The following CYREN variants were observed in gnomAD, a reference collection of about 807,000 sequenced individuals.
The protein encoded by CYREN is cell cycle regulator of NHEJ, also known as cell cycle regulator of non-homologous end joining.
Under a neutral mutation model 9.7 loss-of-function variants are expected in CYREN, and 7 were observed. The ratio of observed to expected loss-of-function variants is 0.72; its 90% CI spans 0.41 to 1.36. The LOEUF (loss-of-function observed/expected upper bound fraction) is 1.36, where lower values mean the gene tolerates loss of function less well. Among genes scored for constraint, CYREN ranks in the 40% most tolerant of loss-of-function variants. CYREN has a pLI of 0.01. For missense variants in CYREN, 215 were observed against 198.1 expected (o/e 1.09, Z -0.51); for synonymous variants, 76 against 77.9 (o/e 0.98, Z 0.13).
At chr7:135,135,905 C>A (rs1273003971) in intron 2 of CYREN, 1 of 152,038 alleles carries the variant, frequency 6.6e-6, no homozygotes, top group African/African-American at 2.4e-5. Flanking sequence ...TTAAAATAAT[C>A]ATTTTATTTC....
chr7:135,118,705 T>G (rs777078867), intron 2 of CYREN, among the ~76,000 whole-genome samples: 5 of 152,230 alleles, frequency 3.3e-5, no homozygotes, highest in Non-Finnish European at 7.3e-5. Flanking sequence ...GTTAATGATG[T>G]TAGAATTTTT....
At chr7:135,125,352 G>C (rs925490631) in intron 2 of CYREN, among the ~76,000 whole-genome samples, 1 of 151,528 alleles carries the variant, frequency 6.6e-6, no homozygotes, top group African/African-American at 2.4e-5. Context: ...CAAGAAGTCG[G>C]ATCCCTGAAT....
chr7:135,107,302 G>C (rs1824881385), intron 2 of CYREN, among the ~76,000 whole-genome samples: 1 of 152,016 alleles, frequency 6.6e-6, no homozygotes, highest in Non-Finnish European at 1.5e-5. Flanking sequence ...TTAGTTGTGA[G>C]GTTAGGTTGT....
At chr7:135,133,088 C>A (rs552451363) in intron 2 of CYREN, among the ~76,000 whole-genome samples, 1 of 152,038 alleles carries the variant, frequency 6.6e-6, no homozygotes, top group East Asian at 1.9e-4. Flanking sequence ...CACACACACA[C>A]ACACACACAC....
chr7:135,157,263 T>C lies in CYREN; in HGVS notation n.356+11486A>G, dbSNP rs544578890. ...ATTTTTTCCTGAGGATATATGCATG[T>C]TGTTAAGATGCTTTGACTTTGATTT... On this transcript the variant is annotated intron_variant and non_coding_transcript_variant, in intron 2 of 2. Coordinates refer to the CYREN transcript ENST00000459937. 2.6e-4 allele frequency among the ~76,000 whole-genome samples: 39 copies of C among 152,370 alleles called. No homozygotes were observed. In the East Asian group the frequency reaches 7.5e-3, roughly 29 times the overall value.
At chr7:135,168,036 C>G (rs949713935) in intron 2 of CYREN, 1 of 630,406 alleles carries the variant, frequency 1.6e-6, no homozygotes, top group African/African-American at 1.8e-5. Flanking sequence ...CCACCCTCCA[C>G]CAACTGCCCT....
At chr7:135,116,596 C>G (rs1371197388) in intron 2 of CYREN, among the ~76,000 whole-genome samples, 1 of 152,088 alleles carries the variant, frequency 6.6e-6, no homozygotes, top group Non-Finnish European at 1.5e-5. Flanking sequence ...CCAATGACAC[C>G]CTGGGGGAGG....
intron 2 of CYREN, among the ~76,000 whole-genome samples, chr7:135,130,699 C>A (rs988947113): frequency 6.6e-6 from 1 of 152,098 alleles, no homozygotes; most frequent in African/African-American, 2.4e-5. Flanking sequence ...CATATAGTGA[C>A]AGTATAACCT....
At chr7:135,094,301 G>A (rs1822316263) in exon 3 of CYREN, 1 of 449,184 alleles carries the variant, frequency 2.2e-6, no homozygotes, top group Non-Finnish European at 4.5e-6. Flanking sequence ...TCAGAGAACT[G>A]AGGCTGACAA....
chr7:135,128,990 G>A (rs1828347422), intron 2 of CYREN: 1 of 1,594,078 alleles, frequency 6.3e-7, no homozygotes, highest in Non-Finnish European at 8.6e-7. Context: ...GCAGGCATGT[G>A]TACTGCAAAG....
At chr7:135,171,292 T>C (rs1315482366), upstream of CYREN, among the ~76,000 whole-genome samples, 2 of 149,866 alleles carry the variant, frequency 1.3e-5, no homozygotes, top group Non-Finnish European at 3.0e-5. Flanking sequence ...TCTCATATTG[T>C]TTTATACTCA....
chr7:135,169,021 A>T lies in CYREN; in HGVS notation c.-99T>A. 8.4e-7 allele frequency: 1 copy of T among 1,194,806 alleles called. No homozygotes were observed. Among genetic ancestry groups the T allele is most frequent in the East Asian group, 2.6e-5 (1 of 38,114 alleles). The allele number at this position is 1,194,806 out of a possible 1,614,324, so 74.0% of individuals were successfully genotyped here. The stretch of plus-strand genomic sequence containing the variant: ...TCGTTCTCTCGTCACACCCGGAATT[A>T]CAGGTCCATTTGTCCTCAGTGGGAG... On this transcript the variant is annotated 5_prime_UTR_variant, in exon 2 of 4. It removes the in-frame stop codon of an upstream open reading frame in the 5' UTR. Coordinates refer to ENST00000393114, the MANE Select transcript of CYREN (RefSeq NM_024033.4).
At chr7:135,137,255 C>T (rs73725238) in intron 2 of CYREN, among the ~76,000 whole-genome samples, 73,696 of 151,604 alleles carry the variant, frequency 0.49, 18,251 homozygotes, top group South Asian at 0.66. Flanking sequence ...AACACTGTAA[C>T]AGAATGAATG....
At chr7:135,092,730 A>C (rs1345063422) in exon 3 of CYREN, 1 of 152,146 alleles carries the variant, frequency 6.6e-6, no homozygotes, top group Non-Finnish European at 1.5e-5. Flanking sequence ...AAATAAATTG[A>C]ACTTTTTTTT....
At chr7:135,118,341 G>A (rs1826619656) in intron 2 of CYREN, among the ~76,000 whole-genome samples, 1 of 152,154 alleles carries the variant, frequency 6.6e-6, no homozygotes, top group Admixed American at 6.5e-5. Flanking sequence ...TAAAAATCAC[G>A]CCATGTCCTA....
intron 2 of CYREN, chr7:135,135,180 T>C (rs1172892416): frequency 3.2e-6 from 5 of 1,549,730 alleles, no homozygotes; most frequent in Non-Finnish European, 4.4e-6. Context: ...CAGCCCTCCA[T>C]CTAACTAAAA....
chr7:135,158,664 C>G (rs1477350599), intron 2 of CYREN, among the ~76,000 whole-genome samples: 1 of 152,034 alleles, frequency 6.6e-6, no homozygotes, highest in Non-Finnish European at 1.5e-5. Flanking sequence ...TACCTTGGGC[C>G]TGGGATCAGA....
intron 2 of CYREN, among the ~76,000 whole-genome samples, chr7:135,146,988 T>G (rs1417280200): frequency 6.6e-6 from 1 of 152,208 alleles, no homozygotes; most frequent in Non-Finnish European, 1.5e-5. Context: ...CTACTGTATA[T>G]TAGTATCTAA....
chr7:135,149,779 G>A (rs1226159212), intron 2 of CYREN, among the ~76,000 whole-genome samples: 2 of 152,050 alleles, frequency 1.3e-5, no homozygotes, highest in South Asian at 2.1e-4. Flanking sequence ...TTTTTTTCAT[G>A]TTAGTTAACT....
Sources: allele counts gnomAD v4.1 joint callset (sites outside exome capture counted in the v4.1 genomes callset), GRCh38; gene constraint gnomAD v4.1.1; transcripts MANE v1.5; gene names NCBI Gene and HGNC (gene_info 2026-07-23, HGNC 2026-07-21).